Variants in VPS13C observed in about 807,000 individuals in gnomAD.
VPS13C encodes the protein vacuolar protein sorting 13 homolog C.
In VPS13C, 358 loss-of-function variants were observed where a neutral mutation model predicts 456.8. That is an observed-to-expected ratio of 0.78 (90% CI 0.72 to 0.86). The LOEUF is 0.86. Ranked by LOEUF, VPS13C falls within the 40% of genes least tolerant of loss-of-function variation. The probability of loss-of-function intolerance (pLI) is 0.00; values close to 1 mark genes in which losing one functional copy is unlikely to be tolerated. For synonymous variants in VPS13C, 1,578 were observed against 1,486.7 expected (o/e 1.06, Z -1.41); for missense variants, 4,818 against 4,385.4 (o/e 1.10, Z -2.79).
Position 61,991,741 on chromosome 15 carries a change from C to A in VPS13C, c.1415G>T (p.Gly472Val), listed in dbSNP as rs767303773. 1 of 1,613,460 alleles carries A rather than the reference C, an allele frequency of 6.2e-7. No individual in the cohort carries two copies. Among genetic ancestry groups the A allele is most frequent in the Non-Finnish European group, 8.5e-7 (1 of 1,179,762 alleles). The change falls in exon 17 of 85, where the codon GGC becomes GTC. Residue 472 changes from glycine to valine, a missense_variant. By Grantham distance (109) the Gly-to-Val change is moderately radical. Transcript: ENST00000644861. ...KSADTGEKRG[G>V]WFSGLWGKKE... ...CTTACCCCACAACCCACTAAACCAGCCTCCACGTTTCTCGCCTGTGTCAGC... is the reference window on the plus strand; with the variant it reads ...CTTACCCCACAACCCACTAAACCAGACTCCACGTTTCTCGCCTGTGTCAGC...
At chr15:61,991,888 C>CTT (rs201011173) in intron 16 of VPS13C, 86 bp from the exon 17 acceptor site, 1,114 of 1,083,268 alleles carry the variant, frequency 1.0e-3, no homozygotes, top group South Asian at 1.6e-3. Context: ...AACAATGGTT[C>CTT]TTTTTTTTTT....
intron 3 of VPS13C, among the ~76,000 whole-genome samples, chr15:62,040,576 T>C (rs1309240585): frequency 6.6e-6 from 1 of 151,054 alleles, no homozygotes. Flanking sequence ...AGGAGGGGGG[T>C]GGAGGTTCAA....
At chr15:61,954,938 A>G (rs11629900) in intron 37 of VPS13C, among the ~76,000 whole-genome samples, 8,651 of 152,230 alleles carry the variant, frequency 0.057, 306 homozygotes, top group Non-Finnish European at 0.08. Context: ...AAACCAGGGA[A>G]TGATAACACA....
At position 61,873,339 on chromosome 15, in the gene VPS13C, G is replaced by C; in HGVS notation, c.10485C>G (p.Asp3495Glu). Residue 3495 changes from aspartate to glutamate, a missense_variant, in exon 78 of 85, where the codon GAC becomes GAG. Asp to Glu is a conservative substitution (Grantham distance 45). This residue lies in a region of VPS13C where 4,552 missense variants were observed against 4,130.6 expected (regional missense o/e 1.10). Coordinates refer to ENST00000644861, the MANE Select transcript of VPS13C (RefSeq NM_020821.3). ...CTCTTCTTTTTTGCTGATATTCCTT[G>C]TCCATTGTAATTGCTGCCAAACCTT... The part of the protein sequence containing the change: ...VGKGLAAITM[D>E]KEYQQKRREE... The C allele has an allele frequency of 1.9e-6, 3 of 1,613,634 alleles. No individual in the cohort carries two copies. Among genetic ancestry groups the C allele is most frequent in the South Asian group, 1.1e-5 (1 of 91,068 alleles).
At chr15:62,022,304 A>C (rs772351496) in intron 8 of VPS13C, among the ~76,000 whole-genome samples, 15 of 151,886 alleles carry the variant, frequency 9.9e-5, no homozygotes, top group Admixed American at 2.6e-4. Flanking sequence ...GGATTGCTAG[A>C]TCATACAGTA....
At chr15:62,025,277 G>A (rs1200214689) in intron 6 of VPS13C, among the ~76,000 whole-genome samples, 1 of 151,954 alleles carries the variant, frequency 6.6e-6, no homozygotes, top group Non-Finnish European at 1.5e-5. Context: ...CAAAAATTAA[G>A]AAACAAATCC....
rs1894026709 is a variant in VPS13C, at chr15:61,858,247, G to A, written c.10953-1838C>T. 6.6e-6 allele frequency among the ~76,000 whole-genome samples: 1 copy of A among 151,742 alleles called. No individual in the cohort carries two copies. The highest frequency in any genetic ancestry group is 2.4e-5 in the African/African-American group (1 of 41,268). On this transcript the variant is annotated intron_variant, in intron 82 of 84. Transcript: ENST00000644861. This position sits in a 1 kb window ranked among gnomAD's most constrained non-coding sequence, Gnocchi z 4.4. ...CCATGTTTACCAGGGTTCAAATCTTGGTCTTCTACTCACACACTCCCTCAG... is the reference window on the plus strand; with the variant it reads ...CCATGTTTACCAGGGTTCAAATCTTAGTCTTCTACTCACACACTCCCTCAG...
rs575609391 is a variant in VPS13C, at chr15:61,959,518, C to T, written c.3986G>A (p.Arg1329Gln). 10 of 1,612,642 alleles carry T rather than the reference C, an allele frequency of 6.2e-6. No homozygotes were observed. Among genetic ancestry groups the T allele is most frequent in the African/African-American group, 4.0e-5 (3 of 74,940 alleles). The stretch of plus-strand genomic sequence containing the variant: ...GTGGTACCAAGATGCAGCTAGATTC[C>T]GATTTACAAGAAATTCCAAGTTAAT... ...HPINLEFLVNRNLAASWYHKV... is the reference protein window; with the variant it reads ...HPINLEFLVNQNLAASWYHKV... The change falls in exon 36 of 85, where the codon CGG (arginine) becomes CAG (glutamine). Residue 1329 changes from arginine to glutamine, a missense_variant. Around this residue, in one of 3 missense-constraint regions of VPS13C, gnomAD observed 4,552 missense variants for 4,130.6 expected, o/e 1.10. Coordinates refer to ENST00000644861, the MANE Select transcript of VPS13C (RefSeq NM_020821.3).
In VPS13C at chr15:61,966,072, G is replaced by T; in HGVS notation, c.3051+11C>A. ...TCAAACAGGATAAATTCCTTTAACA[G>T]AATTTCTTACCTTAACTGTTTGTTC... On this transcript the variant is annotated intron_variant, in intron 30 of 84. Transcript: ENST00000644861. The T allele has an allele frequency of 6.3e-7, 1 of 1,595,248 alleles. No individual in the cohort carries two copies. The highest frequency in any genetic ancestry group is 8.6e-7 in the Non-Finnish European group (1 of 1,168,630).
Position 61,924,522 on chromosome 15 carries a change from T to G in VPS13C, c.6609+934A>C, listed in dbSNP as rs142755843. ...TAAAAGCTCAAAAACGTTTTTTGAA[T>G]CAATCATAAATTTATACACAAAGAA... On this transcript the variant is annotated intron_variant, in intron 53 of 84. Coordinates refer to ENST00000644861, the MANE Select transcript of VPS13C (RefSeq NM_020821.3). Among the ~76,000 whole-genome samples the G allele has an allele frequency of 1.9e-3, 296 of 152,342 alleles. 2 individuals are homozygous for G. Among genetic ancestry groups the G allele is most frequent in the African/African-American group, 6.7e-3 (280 of 41,570 alleles).
intron 5 of VPS13C, among the ~76,000 whole-genome samples, chr15:62,028,761 T>A (rs546846849): frequency 2.0e-5 from 3 of 152,238 alleles, no homozygotes; most frequent in Non-Finnish European, 4.4e-5. Context: ...TCTTTTTGCA[T>A]GCCATTTTGT....
intron 82 of VPS13C, among the ~76,000 whole-genome samples, chr15:61,861,834 T>A (rs1180726102): frequency 6.6e-6 from 1 of 152,208 alleles, no homozygotes; most frequent in Non-Finnish European, 1.5e-5. Context: ...GTGCTGTGAC[T>A]CATGCCTGTA....
intron 3 of VPS13C, among the ~76,000 whole-genome samples, chr15:62,035,999 T>A (rs2047985957): frequency 6.6e-6 from 1 of 152,002 alleles, no homozygotes; most frequent in Non-Finnish European, 1.5e-5. Context: ...CTTTCCCTAA[T>A]CTCTAGTATC....
intron 1 of VPS13C, among the ~76,000 whole-genome samples, chr15:62,055,491 T>A (rs949936091): frequency 1.3e-5 from 2 of 151,202 alleles, no homozygotes; most frequent in Non-Finnish European, 2.9e-5. Flanking sequence ...TCTGCCTGCC[T>A]CGGCCTCCCA....
At position 61,920,081 on chromosome 15, in the gene VPS13C, A is replaced by T; in HGVS notation, c.7463T>A (p.Phe2488Tyr). ...ATATAGCCTACCAATGGTCAGAGTG[A>T]AGAAGGAGCTTTCTTGACGGCTCAA... Reference protein sequence around the residue: ...SILSRQESSFFTLTIVPHGYT... With the variant: ...SILSRQESSFYTLTIVPHGYT... The change falls in exon 57 of 85, where the codon TTC (phenylalanine) becomes TAC (tyrosine). Residue 2488 changes from phenylalanine to tyrosine, a missense_variant. Physicochemically the swap from Phe to Tyr is conservative, Grantham distance 22. This residue lies in a region of VPS13C where 4,552 missense variants were observed against 4,130.6 expected (regional missense o/e 1.10). Transcript: ENST00000644861. 6.2e-7 allele frequency: 1 copy of T among 1,606,592 alleles called. No individual in the cohort carries two copies. The highest frequency in any genetic ancestry group is 8.5e-7 in the Non-Finnish European group (1 of 1,174,818).
At chr15:61,954,649 G>A in intron 37 of VPS13C, 95 bp from the exon 38 acceptor site, 3 of 1,304,596 alleles carry the variant, frequency 2.3e-6, no homozygotes, top group East Asian at 2.6e-5. Flanking sequence ...ACCTGGTAGA[G>A]GCAATGAAAA....
At chr15:61,975,309 AAG>A (rs2045672309) in intron 24 of VPS13C, among the ~76,000 whole-genome samples, 1 of 152,080 alleles carries the variant, frequency 6.6e-6, no homozygotes, top group Non-Finnish European at 1.5e-5. Context: ...AAAGAATCAA[AAG>A]AGAGAAGATA....
At chr15:62,044,036 G>A (rs1567143969) in intron 2 of VPS13C, among the ~76,000 whole-genome samples, 176 bp downstream of exon 2, 2 of 152,026 alleles carry the variant, frequency 1.3e-5, no homozygotes, top group Admixed American at 1.3e-4. Context: ...ATTATTAGGG[G>A]AAAAAATTTC....
chr15:62,050,922 T>C (rs1400086886), intron 1 of VPS13C, among the ~76,000 whole-genome samples: 1 of 151,242 alleles, frequency 6.6e-6, no homozygotes, highest in African/African-American at 2.4e-5. Flanking sequence ...CATGAAGAGT[T>C]GGAGTCATCG....
Sources: gnomAD v4.1 joint callset for allele counts (sites outside exome capture counted in the v4.1 genomes callset) on GRCh38, gnomAD v4.1.1 for gene constraint, gnomAD v4.1.1 regional missense constraint, Gnocchi (gnomAD v3.1) non-coding constraint, MANE v1.5 for transcripts, NCBI Gene and HGNC (gene_info 2026-07-23, HGNC 2026-07-21) for gene names.